ZNF81: variants seen among roughly 807,000 people sequenced by gnomAD.
The protein encoded by ZNF81 is zinc finger protein 81.
In ZNF81, 5 loss-of-function variants were observed where a neutral mutation model predicts 32.3. The ratio of observed to expected loss-of-function variants is 0.15; its 90% CI spans 0.08 to 0.33. The LOEUF (loss-of-function observed/expected upper bound fraction) is 0.33, where lower values mean the gene tolerates loss of function less well. Ranked by LOEUF, ZNF81 falls within the 10% of genes least tolerant of loss-of-function variation. ZNF81 has a pLI of 1.00. For synonymous variants in ZNF81, 163 were observed against 166.8 expected (o/e 0.98, Z 0.17); for missense variants, 379 against 479.8 (o/e 0.79, Z 1.96).
chrX:47,874,812 A>G (rs2058593405), intron 2 of ZNF81, among the ~76,000 whole-genome samples: 1 of 112,232 alleles, frequency 8.9e-6, no homozygotes. Flanking sequence ...ATATGGGGAC[A>G]CAGTCTTGTA....
At chrX:47,847,667 G>T (rs186886956) in intron 2 of ZNF81, among the ~76,000 whole-genome samples, 1 of 111,813 alleles carries the variant, frequency 8.9e-6, no homozygotes, top group Admixed American at 9.5e-5. Flanking sequence ...CCTGGAGCTT[G>T]TGTCTTCATC....
intron 3 of ZNF81, among the ~76,000 whole-genome samples, chrX:47,890,450 G>A (rs1248368973): frequency 8.9e-6 from 1 of 112,320 alleles, no homozygotes; most frequent in Non-Finnish European, 1.9e-5. Flanking sequence ...TTCTCAAAAA[G>A]AGAGTAGTTA....
chrX:47,883,796 T>C (rs2148026565), intron 2 of ZNF81, among the ~76,000 whole-genome samples: 1 of 112,228 alleles, frequency 8.9e-6, no homozygotes, highest in African/African-American at 3.2e-5. Flanking sequence ...TACACTGTAG[T>C]AAGCAGCCTT....
At chrX:47,909,772 C>T (rs1213642099) in intron 4 of ZNF81, among the ~76,000 whole-genome samples, 1 of 93,819 alleles carries the variant, frequency 1.1e-5, no homozygotes, top group East Asian at 3.4e-4. Flanking sequence ...CCCAACCCCA[C>T]AACAGTCCCC....
At chrX:47,891,570 T>C (rs931168899) in intron 3 of ZNF81, among the ~76,000 whole-genome samples, 23 of 112,218 alleles carry the variant, frequency 2.0e-4, no homozygotes, top group African/African-American at 7.5e-4. Flanking sequence ...GGAACTAATA[T>C]GGGGATTCTG....
At chrX:47,872,557 G>A (rs1456830620) in intron 2 of ZNF81, among the ~76,000 whole-genome samples, 1 of 111,746 alleles carries the variant, frequency 8.9e-6, no homozygotes, top group African/African-American at 3.3e-5. Context: ...AAAAAATGCA[G>A]AACACAGATA....
At chrX:47,859,719 G>C (rs782300874) in intron 2 of ZNF81, among the ~76,000 whole-genome samples, 7 of 111,581 alleles carry the variant, frequency 6.3e-5, no homozygotes, top group Non-Finnish European at 1.3e-4. Context: ...TGAAACTCTG[G>C]GCTAGAGAAA....
intron 4 of ZNF81, among the ~76,000 whole-genome samples, chrX:47,906,590 G>A (rs1193941461): frequency 1.8e-5 from 2 of 111,790 alleles, no homozygotes; most frequent in Non-Finnish European, 3.8e-5. Context: ...GCTGAGGCAG[G>A]TGAATCACCT....
chrX:47,889,863 C>T (rs1353161249), intron 3 of ZNF81, among the ~76,000 whole-genome samples: 1 of 110,386 alleles, frequency 9.1e-6, no homozygotes, highest in Non-Finnish European at 1.9e-5. Context: ...AACTCACTCA[C>T]TTTCATGAGA....
In ZNF81 at chrX:47,915,685, A is replaced by G. The variant is rs1194218619; in HGVS notation, c.1039A>G (p.Met347Val). The change falls in exon 5 of 5, where the codon ATG (methionine) becomes GTG (valine). Residue 347 changes from methionine to valine, a missense_variant. Met to Val is a conservative substitution (Grantham distance 21, BLOSUM62 1). This residue lies in a region of ZNF81 where 277 missense variants were observed against 306.6 expected (regional missense o/e 0.90). Transcript: ENST00000338637. ...KAFIQNSELI[M>V]HEKTHTREKP... ...CTTCATCCAGAATTCAGAATTAATT[A>G]TGCATGAGAAAACTCATACTAGAGA... The G allele has an allele frequency of 9.9e-6, 12 of 1,208,177 alleles. 1 individual carries two copies. The African/African-American group carries it at 1.4e-4, about 14-fold the overall frequency.
At chrX:47,874,589 C>T (rs1556884297) in intron 2 of ZNF81, among the ~76,000 whole-genome samples, 1 of 112,188 alleles carries the variant, frequency 8.9e-6, no homozygotes, top group African/African-American at 3.2e-5. Flanking sequence ...TTCAGGTTCC[C>T]CTTGTGTAGG....
At chrX:47,905,948 A>G (rs1168734676) in intron 4 of ZNF81, among the ~76,000 whole-genome samples, 1 of 109,796 alleles carries the variant, frequency 9.1e-6, no homozygotes, top group Non-Finnish European at 1.9e-5. Context: ...CTGATTAAAT[A>G]TATATAGTCC....
intron 2 of ZNF81, among the ~76,000 whole-genome samples, chrX:47,867,009 A>G (rs2058562431): frequency 1.8e-5 from 2 of 111,725 alleles, no homozygotes; most frequent in Admixed American, 1.9e-4. Context: ...GGAACAGAAA[A>G]TGAAACACCA....
In ZNF81 at chrX:47,916,781, A is replaced by T; in HGVS notation, c.*149A>T. The stretch of plus-strand genomic sequence containing the variant: ...GGCTATCTCACTTGAGATGGAAAAA[A>T]ATTATTCAGAAGAAACTCTCTTAAA... On this transcript the variant is annotated 3_prime_UTR_variant, in exon 5 of 5. Transcript: ENST00000338637. The T allele has an allele frequency of 1.8e-6, 1 of 566,836 alleles. No individual in the cohort carries two copies. The highest frequency in any genetic ancestry group is 2.6e-6 in the Non-Finnish European group (1 of 391,401). 46.7% of individuals were successfully genotyped at this position (566,836 alleles called of 1,213,427 possible).
chrX:47,873,607 G>A (rs1270766656), intron 2 of ZNF81, among the ~76,000 whole-genome samples: 5 of 111,848 alleles, frequency 4.5e-5, no homozygotes, highest in Admixed American at 9.5e-5. Flanking sequence ...CCAGGGTAGC[G>A]TGATTCCTTT....
At position 47,922,262 on chromosome X, in the gene ZNF81, C is replaced by T. The variant is rs1163484892; in HGVS notation, c.*5630C>T. 4 of 112,081 alleles carry T rather than the reference C, an allele frequency of 3.6e-5. No homozygotes were observed. The highest frequency in any genetic ancestry group is 6.5e-5 in the African/African-American group (2 of 30,835). The allele number at this position is 112,081 out of a possible 1,213,427, so 9.2% of individuals were successfully genotyped here. On this transcript the variant is annotated 3_prime_UTR_variant, in exon 5 of 5. Coordinates refer to ENST00000338637, the MANE Select transcript of ZNF81 (RefSeq NM_007137.5). Reference sequence around the variant, plus strand: ...TCATAATCATATATAGACATACATACGTTCCCATGCTTGTAATCAGAAGTT... The same window carrying T: ...TCATAATCATATATAGACATACATATGTTCCCATGCTTGTAATCAGAAGTT...
chrX:47,896,085 G>T (rs373923950), intron 4 of ZNF81, 145 bp downstream of exon 4: 1 of 453,699 alleles, frequency 2.2e-6, no homozygotes. Context: ...GGCCTCTCGG[G>T]TGCCAAATTG....
Position 47,885,530 on chromosome X carries a change from T to C in ZNF81, c.55-2469T>C, listed in dbSNP as rs782218497. On this transcript the variant is annotated intron_variant, in intron 2 of 4. Coordinates refer to ENST00000338637, the MANE Select transcript of ZNF81 (RefSeq NM_007137.5). ...TATCTTATAAACAATAGAAATTTAT[T>C]TCTCACAATTCTGGAGGCTGAGAAG... 2.7e-5 allele frequency among the ~76,000 whole-genome samples: 3 copies of C among 111,758 alleles called. No homozygotes were observed. In the South Asian group the frequency reaches 1.1e-3, roughly 42 times the overall value.
chrX:47,876,375 A>T (rs782785315), intron 2 of ZNF81, among the ~76,000 whole-genome samples: 1 of 112,370 alleles, frequency 8.9e-6, no homozygotes, highest in South Asian at 3.7e-4. Flanking sequence ...CCCAATTCCC[A>T]CAGGGGTGGC....
Sources: gnomAD v4.1 joint callset for allele counts (sites outside exome capture counted in the v4.1 genomes callset) on GRCh38, gnomAD v4.1.1 for gene constraint, gnomAD v4.1.1 regional missense constraint, MANE v1.5 for transcripts, NCBI Gene and HGNC (gene_info 2026-07-23, HGNC 2026-07-21) for gene names.